SEC61A1: variants seen among roughly 807,000 people sequenced by gnomAD.
SEC61A1 encodes the protein SEC61 translocon subunit alpha 1.
In SEC61A1, 15 loss-of-function variants were observed where a neutral mutation model predicts 55.2. The observed-to-expected ratio is 0.27, with a 90% CI of 0.18 to 0.42. The LOEUF (loss-of-function observed/expected upper bound fraction) is 0.42. Among genes scored for constraint, SEC61A1 ranks in the 10% least tolerant of loss-of-function variants. The probability of loss-of-function intolerance (pLI) is 1.00; values close to 1 mark genes in which losing one functional copy is unlikely to be tolerated. For synonymous variants in SEC61A1, 247 were observed against 234.0 expected, an observed-to-expected ratio of 1.06 and a Z score of -0.51; for missense variants, 284 against 602.6, an observed-to-expected ratio of 0.47 and a Z score of 5.53.
Position 128,060,134 on chromosome 3 carries a change from A to G in SEC61A1, c.385A>G (p.Ile129Val), listed in dbSNP as rs533226510. ...FGMIITIGQS[I>V]VYVMTGMYGD... ...CATGATCATTACTATCGGCCAGTCT[A>G]TCGTGTATGTGATGACCGGGATGTA... The change falls in exon 6 of 12, where the codon ATC (isoleucine) becomes GTC (valine). Residue 129 changes from isoleucine (I) to valine (V), a missense_variant. Ile to Val is a conservative substitution (Grantham distance 29). Coordinates refer to ENST00000243253, the MANE Select transcript of SEC61A1 (RefSeq NM_013336.4). 2.2e-5 allele frequency: 36 copies of G among 1,613,932 alleles called. No individual in the cohort carries two copies. Among genetic ancestry groups the G allele is most frequent in the South Asian group, 2.0e-4 (18 of 91,074 alleles).
intron 2 of SEC61A1, among the ~76,000 whole-genome samples, chr3:128,054,727 C>A (rs1273200496): frequency 6.6e-6 from 1 of 152,208 alleles, no homozygotes; most frequent in Non-Finnish European, 1.5e-5. Flanking sequence ...TTGTTAAGCC[C>A]TCTAAAGCCA....
chr3:128,070,327 C>T lies in SEC61A1; in HGVS notation c.*665C>T, dbSNP rs945275556. The T allele has an allele frequency of 6.6e-6, 1 of 152,254 alleles. No homozygotes were observed. Among genetic ancestry groups the T allele is most frequent in the Non-Finnish European group, 1.5e-5 (1 of 68,076 alleles). 9.4% of individuals were successfully genotyped at this position (152,254 alleles called of 1,614,324 possible). A position where few individuals can be genotyped will look rare whatever the true frequency, so the allele number is the denominator to read the frequency against. On this transcript the variant is annotated 3_prime_UTR_variant, in exon 12 of 12. Transcript: ENST00000243253. ...CTATTGGCTCTTCTAGCTGACTCTT[C>T]TGGTTGGGCTTAGAGTCTGCCTGTT...
rs967274840 is a variant in SEC61A1 at position 128,067,350 on chromosome 3, G to C, written c.976-71G>C. ...AAAATTGCATTCTTTCATCTGCTCA[G>C]AACTATTTTTGCCTTGATGCTAAAG... On this transcript the variant is annotated intron_variant, in intron 9 of 11. Coordinates refer to ENST00000243253, the MANE Select transcript of SEC61A1 (RefSeq NM_013336.4). This position sits in a 1 kb window ranked among gnomAD's most constrained non-coding sequence, Gnocchi z 4.1. 2.7e-6 allele frequency: 4 copies of C among 1,500,482 alleles called. No homozygotes were observed. The African/African-American group carries it at 5.6e-5, about 21-fold the overall frequency. 92.9% of individuals were successfully genotyped at this position (1,500,482 alleles called of 1,614,324 possible). A position where few individuals can be genotyped will look rare whatever the true frequency, so the allele number is the denominator to read the frequency against.
chr3:128,067,437 G>A lies in SEC61A1; in HGVS notation c.992G>A (p.Gly331Asp). Residue 331 changes from glycine to aspartate, a missense_variant, in exon 10 of 12, where the codon GGC (glycine) becomes GAC (aspartate). Transcript: ENST00000243253. The surrounding 1 kb of genome is among the most constrained non-coding windows in gnomAD (Gnocchi z 4.1). Reference sequence around the variant, plus strand: ...CTTCCCCAGGACACGTCTTCTGGGGGCCCAGCACGTGCTTATCCAGTTGGT... The same window carrying A: ...CTTCCCCAGGACACGTCTTCTGGGGACCCAGCACGTGCTTATCCAGTTGGT... ...LGTWSDTSSGGPARAYPVGGL... is the reference protein window; with the variant it reads ...LGTWSDTSSGDPARAYPVGGL... 1.2e-6 allele frequency: 2 copies of A among 1,612,776 alleles called. No homozygotes were observed. The highest frequency in any genetic ancestry group is 8.5e-7 in the Non-Finnish European group (1 of 1,179,704).
In SEC61A1 at chr3:128,067,355, A is replaced by T. The variant is rs1190222339; in HGVS notation, c.976-66A>T. 3.3e-6 allele frequency: 5 copies of T among 1,519,040 alleles called. No homozygotes were observed. Among genetic ancestry groups the T allele is most frequent in the Non-Finnish European group, 4.5e-6 (5 of 1,118,362 alleles). The allele number at this position is 1,519,040 out of a possible 1,614,324, so 94.1% of individuals were successfully genotyped here. On this transcript the variant is annotated intron_variant, in intron 9 of 11. Transcript: ENST00000243253. The surrounding 1 kb of genome is among the most constrained non-coding windows in gnomAD (Gnocchi z 4.1). ...TGCATTCTTTCATCTGCTCAGAACT[A>T]TTTTTGCCTTGATGCTAAAGTAAAA...
chr3:128,053,166 C>G (rs1387137606), intron 2 of SEC61A1, among the ~76,000 whole-genome samples: 2 of 152,044 alleles, frequency 1.3e-5, no homozygotes, highest in Non-Finnish European at 2.9e-5. Context: ...TGCCCTGTCC[C>G]AAAAATGGAT....
chr3:128,068,560 G>C (rs1298684966), intron 11 of SEC61A1: 1 of 158,770 alleles, frequency 6.3e-6, no homozygotes, highest in African/African-American at 2.4e-5. Flanking sequence ...AGAAGGGATG[G>C]AGCCTGCAGT....
upstream of SEC61A1, among the ~76,000 whole-genome samples, chr3:128,052,194 C>A (rs981316632): frequency 2.0e-5 from 3 of 152,040 alleles, no homozygotes; most frequent in Non-Finnish European, 4.4e-5. Context: ...CCCGCGCGCT[C>A]TCGCGTTACC....
In SEC61A1 at chr3:128,071,621, C is replaced by T. The variant is rs1942169839; in HGVS notation, c.*1959C>T. On this transcript the variant is annotated 3_prime_UTR_variant, in exon 12 of 12. Coordinates refer to ENST00000243253, the MANE Select transcript of SEC61A1 (RefSeq NM_013336.4). ...TTCCAGGGGACTGTCACTGTGGACGCCAAAATGGCATAACTGAGATAAGGT... is the reference window on the plus strand; with the variant it reads ...TTCCAGGGGACTGTCACTGTGGACGTCAAAATGGCATAACTGAGATAAGGT... 2.0e-5 allele frequency: 3 copies of T among 152,660 alleles called. No individual in the cohort carries two copies. The highest frequency in any genetic ancestry group is 4.4e-5 in the Non-Finnish European group (3 of 68,050). The allele number at this position is 152,660 out of a possible 1,614,324, so 9.5% of individuals were successfully genotyped here.
chr3:128,052,288 A>G (rs1417623845), upstream of SEC61A1: 1 of 268,592 alleles, frequency 3.7e-6, no homozygotes, highest in Non-Finnish European at 6.0e-6. Flanking sequence ...GCCCCGCTGC[A>G]TGCCGGGGCT....
intron 6 of SEC61A1, 60 bp downstream of exon 6, chr3:128,060,271 C>A: frequency 7.9e-7 from 1 of 1,271,782 alleles, no homozygotes; most frequent in Non-Finnish European, 1.1e-6. Flanking sequence ...ACAATTCTCA[C>A]ATAACGAATC....
intron 8 of SEC61A1, among the ~76,000 whole-genome samples, chr3:128,066,455 TTG>T (rs1404264131): frequency 6.6e-6 from 1 of 152,136 alleles, no homozygotes; most frequent in Admixed American, 6.5e-5. Context: ...CAGGGTCTCG[TTG>T]TGTTGCTTAG....
At chr3:128,052,343 G>A, upstream of SEC61A1, 1 of 656,084 alleles carries the variant, frequency 1.5e-6, no homozygotes, top group Non-Finnish European at 1.9e-6. Context: ...CGCGGCGGCC[G>A]GCGGGCGCGC....
chr3:128,053,046 C>A, intron 2 of SEC61A1, 144 bp downstream of exon 2: 1 of 615,428 alleles, frequency 1.6e-6, no homozygotes, highest in Non-Finnish European at 2.8e-6. Context: ...CTCTGTTATT[C>A]CGGAGAGCTG....
chr3:128,071,427 G>C lies in SEC61A1; in HGVS notation c.*1765G>C, dbSNP rs1375588984. On this transcript the variant is annotated 3_prime_UTR_variant, in exon 12 of 12. Transcript: ENST00000243253. ...GCTTAGGAATGCTTGGCCTCTGGCA[G>C]GCAGGCAGCTGTACCCAAGCTGGTG... 6.5e-6 allele frequency: 1 copy of C among 152,696 alleles called. No individual in the cohort carries two copies. Among genetic ancestry groups the C allele is most frequent in the Non-Finnish European group, 1.5e-5 (1 of 68,110 alleles). The allele number at this position is 152,696 out of a possible 1,614,324, so 9.5% of individuals were successfully genotyped here.
chr3:128,051,763 GT>G, upstream of SEC61A1: 3 of 1,510,148 alleles, frequency 2.0e-6, no homozygotes, highest in South Asian at 2.5e-5. Flanking sequence ...GAATTCTTCT[GT>G]GAGGCAGACT....
chr3:128,057,576 CTGG>C (rs1202271132), intron 5 of SEC61A1, among the ~76,000 whole-genome samples: 1 of 150 alleles, frequency 6.7e-3, no homozygotes, highest in African/African-American at 0.012. Flanking sequence ...ATTTAACTGA[CTGG>C]GGGGCGGTGG....
upstream of SEC61A1, chr3:128,051,949 G>A (rs1444695740): frequency 3.4e-6 from 5 of 1,460,218 alleles, no homozygotes; most frequent in Non-Finnish European, 3.7e-6. Context: ...AGCAGGTAAT[G>A]ACGGAGACCT....
intron 3 of SEC61A1, 30 bp downstream of exon 3, chr3:128,055,611 G>A (rs371953857): frequency 6.2e-7 from 1 of 1,610,110 alleles, no homozygotes; most frequent in African/African-American, 1.3e-5. Context: ...TCGTATTGGG[G>A]AGGGGGATAA....
Sources: allele counts gnomAD v4.1 joint callset (sites outside exome capture counted in the v4.1 genomes callset), GRCh38; gene constraint gnomAD v4.1.1; non-coding constraint Gnocchi (gnomAD v3.1); transcripts MANE v1.5; gene names NCBI Gene and HGNC (gene_info 2026-07-23, HGNC 2026-07-21).